The following ETNK1 variants were observed in gnomAD, a reference collection of about 807,000 sequenced individuals.
The protein encoded by ETNK1 is ethanolamine kinase 1.
Under a neutral mutation model 45.1 loss-of-function variants are expected in ETNK1, and 8 were observed. That is an observed-to-expected ratio of 0.18 (90% confidence interval 0.10 to 0.32). The LOEUF (loss-of-function observed/expected upper bound fraction) is 0.32, where lower values mean the gene tolerates loss of function less well. Ranked by LOEUF, ETNK1 falls within the 10% of genes least tolerant of loss-of-function variation. The pLI is 1.00. For missense variants in ETNK1, 302 were observed against 430.6 expected (o/e 0.70, Z 2.64); for synonymous variants, 152 against 151.9 (o/e 1.00, Z -0.01).
intron 3 of ETNK1, among the ~76,000 whole-genome samples, chr12:22,660,051 A>AAAAAT (rs1482789502): frequency 1.3e-4 from 19 of 151,776 alleles, no homozygotes; most frequent in African/African-American, 4.6e-4. Flanking sequence ...AAAAAAAAAA[A>AAAAAT]AAAACACCGC....
Position 22,625,197 on chromosome 12 carries a change from A to G in ETNK1, c.-234A>G. The G allele has an allele frequency of 6.2e-7, 1 of 1,609,338 alleles. No homozygotes were observed. The highest frequency in any genetic ancestry group is 1.1e-5 in the South Asian group (1 of 90,880). On this transcript the variant is annotated 5_prime_UTR_variant, in exon 1 of 8. Transcript: ENST00000266517. ...CGGCCGCCCGCGGTCCAGCTCCGAC[A>G]ACAGGAATTTTCTCCGAGAGCGGGC...
chr12:22,631,626 G>C (rs1953581990), intron 1 of ETNK1, among the ~76,000 whole-genome samples: 1 of 152,198 alleles, frequency 6.6e-6, no homozygotes, highest in Non-Finnish European at 1.5e-5. Flanking sequence ...GTCCAGACAA[G>C]AGGTGCTGGG....
chr12:22,684,827 A>G, intron 7 of ETNK1, 55 bp from the exon 8 acceptor site: 2 of 1,382,324 alleles, frequency 1.4e-6, no homozygotes, highest in South Asian at 2.5e-5. Flanking sequence ...AAATAAGGGA[A>G]GGACCAAGTT....
chr12:22,657,754 T>C (rs1027814984), intron 2 of ETNK1, among the ~76,000 whole-genome samples: 2 of 152,192 alleles, frequency 1.3e-5, no homozygotes. Context: ...GTTCACTTAC[T>C]ACTGAAGTGA....
intron 1 of ETNK1, among the ~76,000 whole-genome samples, chr12:22,631,487 T>G (rs1953580365): frequency 6.6e-6 from 1 of 152,144 alleles, no homozygotes; most frequent in South Asian, 2.1e-4. Context: ...AAGTATTCTT[T>G]TGTGAAGTGT....
At chr12:22,633,589 C>T (rs1022143060) in intron 1 of ETNK1, among the ~76,000 whole-genome samples, 3 of 152,126 alleles carry the variant, frequency 2.0e-5, no homozygotes, top group Non-Finnish European at 4.4e-5. Flanking sequence ...ACAAAAGAAA[C>T]TGGATAGGAT....
intron 6 of ETNK1, among the ~76,000 whole-genome samples, chr12:22,678,618 TTAAC>T (rs2137574752): frequency 1.3e-5 from 2 of 152,354 alleles, no homozygotes; most frequent in South Asian, 4.1e-4. Flanking sequence ...ATGAGGTACA[TTAAC>T]TATATAATGA....
At chr12:22,661,299 A>G (rs1953997216) in intron 4 of ETNK1, 94 bp downstream of exon 4, 1 of 1,100,190 alleles carries the variant, frequency 9.1e-7, no homozygotes, top group Non-Finnish European at 1.3e-6. Context: ...ATTCAAATGC[A>G]AGGAGTAAGA....
chr12:22,640,282 TTTTAGGGATTAAAG>T (rs1953718180), intron 1 of ETNK1, among the ~76,000 whole-genome samples: 1 of 152,118 alleles, frequency 6.6e-6, no homozygotes, highest in South Asian at 2.1e-4. Context: ...GTAGTATACA[TTTTAGGGATTAAAG>T]TTTAACAGGA....
rs532695663 is a variant in ETNK1 at position 22,651,307 on chromosome 12, A to G, written c.416+7285A>G. ...GTTGCCTGCCTCTTTTACTAGACACATGGTGACAAAGAAAAGGGAAGATGA... is the reference window on the plus strand; with the variant it reads ...GTTGCCTGCCTCTTTTACTAGACACGTGGTGACAAAGAAAAGGGAAGATGA... On this transcript the variant is annotated intron_variant, in intron 2 of 7. Coordinates refer to ENST00000266517, the MANE Select transcript of ETNK1 (RefSeq NM_018638.5). Among the ~76,000 whole-genome samples the G allele has an allele frequency of 6.6e-5, 10 of 152,334 alleles. No homozygotes were observed. In the South Asian group the frequency reaches 1.5e-3, roughly 22 times the overall value.
At chr12:22,655,276 G>A (rs1167320147) in intron 2 of ETNK1, among the ~76,000 whole-genome samples, 1 of 151,768 alleles carries the variant, frequency 6.6e-6, no homozygotes, top group Non-Finnish European at 1.5e-5. Context: ...CCAACTTGTA[G>A]GAAGTTAGTG....
rs3983448 is a variant in ETNK1 at position 22,686,851 on chromosome 12, A to ATTTTTTTTTTTTT, written c.*1913_*1925dup. The ATTTTTTTTTTTTT allele has an allele frequency of 1.6e-4, 11 of 69,268 alleles. 1 individual carries two copies. Among genetic ancestry groups the ATTTTTTTTTTTTT allele is most frequent in the Non-Finnish European group, 2.2e-4 (8 of 36,070 alleles). The allele number at this position is 69,268 out of a possible 1,614,324, so 4.3% of individuals were successfully genotyped here. ...AGATAAAGAATGTGTAATACTCTTA[A>ATTTTTTTTTTTTT]TTTTTTTTTTTTTTTTTTTTTTTTT... On this transcript the variant is annotated 3_prime_UTR_variant, in exon 8 of 8. Transcript: ENST00000266517.
chr12:22,630,740 A>G (rs902761428), intron 1 of ETNK1, among the ~76,000 whole-genome samples: 1 of 151,836 alleles, frequency 6.6e-6, no homozygotes, highest in Admixed American at 6.6e-5. Flanking sequence ...CCACCCAAGT[A>G]GCTTGGATTA....
At chr12:22,629,660 A>G (rs904460319) in intron 1 of ETNK1, among the ~76,000 whole-genome samples, 10 of 152,190 alleles carry the variant, frequency 6.6e-5, no homozygotes, top group African/African-American at 2.4e-4. Flanking sequence ...GTTTTTAAAA[A>G]GATGAGTTTG....
At chr12:22,672,329 C>A (rs544806568) in intron 5 of ETNK1, among the ~76,000 whole-genome samples, 17 of 151,990 alleles carry the variant, frequency 1.1e-4, no homozygotes, top group African/African-American at 3.9e-4. Context: ...ATGGTTTATA[C>A]CTAGTAGGAA....
intron 1 of ETNK1, among the ~76,000 whole-genome samples, chr12:22,635,084 T>C (rs1953637465): frequency 2.0e-5 from 3 of 152,338 alleles, no homozygotes; most frequent in Non-Finnish European, 1.5e-5. Context: ...CACACAGCCT[T>C]TCCACCCCTT....
intron 6 of ETNK1, among the ~76,000 whole-genome samples, chr12:22,675,666 G>A (rs926910747): frequency 3.3e-5 from 5 of 152,064 alleles, no homozygotes; most frequent in African/African-American, 7.2e-5. Context: ...CATAACACCC[G>A]TTTTGCTGTA....
At chr12:22,669,345 A>T (rs1362255564) in intron 4 of ETNK1, among the ~76,000 whole-genome samples, 3 of 151,850 alleles carry the variant, frequency 2.0e-5, no homozygotes, top group Non-Finnish European at 4.4e-5. Context: ...AAAAGAAAAA[A>T]GTCACTTGTC....
intron 1 of ETNK1, among the ~76,000 whole-genome samples, chr12:22,627,921 A>G (rs1285437072): frequency 1.3e-5 from 2 of 152,152 alleles, no homozygotes; most frequent in Non-Finnish European, 2.9e-5. Context: ...AAGACTTACT[A>G]GAGTCAAAAT....
Sources: gnomAD v4.1 joint callset for allele counts (sites outside exome capture counted in the v4.1 genomes callset) on GRCh38, gnomAD v4.1.1 for gene constraint, MANE v1.5 for transcripts, NCBI Gene and HGNC (gene_info 2026-07-23, HGNC 2026-07-21) for gene names.